Variants in RMDN2 observed in about 807,000 individuals in gnomAD.
The protein encoded by RMDN2 is regulator of microtubule dynamics 2, also known as regulator of microtubule dynamics protein 2.
A neutral mutation model predicts 52.8 loss-of-function variants in RMDN2; 61 were observed. The ratio of observed to expected loss-of-function variants is 1.16; its 90% CI spans 0.94 to 1.43. The LOEUF (loss-of-function observed/expected upper bound fraction) is 1.43, where lower values mean the gene tolerates loss of function less well. Ranked by LOEUF, RMDN2 falls within the 40% of genes most tolerant of loss-of-function variation. RMDN2 has a pLI of 0.00. For synonymous variants in RMDN2, 180 were observed against 153.1 expected (o/e 1.18, Z -1.30); for missense variants, 592 against 475.3 (o/e 1.25, Z -2.28).
intron 10 of RMDN2, among the ~76,000 whole-genome samples, chr2:38,037,227 A>G (rs1680645196): frequency 6.6e-6 from 1 of 152,214 alleles, no homozygotes; most frequent in African/African-American, 2.4e-5. Flanking sequence ...GGAAGATCAA[A>G]TAAATGGACA....
At chr2:37,989,659 A>T in intron 6 of RMDN2, 43 bp downstream of exon 6, 2 of 1,250,958 alleles carry the variant, frequency 1.6e-6, no homozygotes, top group Non-Finnish European at 2.3e-6. Context: ...AGATCCAGAC[A>T]TATGGAAGGG....
At position 37,997,726 on chromosome 2, in the gene RMDN2, G is replaced by A. The variant is rs1213769733; in HGVS notation, c.1044+212G>A. On this transcript the variant is annotated intron_variant, in intron 8 of 10. Coordinates refer to ENST00000354545, the MANE Select transcript of RMDN2 (RefSeq NM_001170791.3). ...CAACTAGTTATGCCCTAGGTTCTAG[G>A]AATTACAAACTACTTTTTAAAAATA... The A allele has an allele frequency of 6.1e-6, 3 of 491,392 alleles. No individual in the cohort carries two copies. The South Asian group carries it at 7.9e-5, about 13-fold the overall frequency. The allele number at this position is 491,392 out of a possible 1,614,324, so 30.4% of individuals were successfully genotyped here.
intron 2 of RMDN2, chr2:37,952,016 G>A (rs1286908598): frequency 1.9e-6 from 3 of 1,612,510 alleles, no homozygotes; most frequent in East Asian, 2.2e-5. Context: ...TGATTCCACA[G>A]CATCCCTCTC....
chr2:38,004,679 T>C (rs1005412605), intron 10 of RMDN2, among the ~76,000 whole-genome samples: 1 of 151,820 alleles, frequency 6.6e-6, no homozygotes, highest in Non-Finnish European at 1.5e-5. Flanking sequence ...TCTCCTTCTA[T>C]GATGGAGTTT....
intron 7 of RMDN2, among the ~76,000 whole-genome samples, chr2:37,992,702 A>G (rs2125141964): frequency 6.6e-6 from 1 of 152,350 alleles, no homozygotes; most frequent in South Asian, 2.1e-4. Flanking sequence ...AACTAGAGAA[A>G]AAGTACAAAA....
upstream of RMDN2, among the ~76,000 whole-genome samples, chr2:37,924,758 C>T (rs1357983191): frequency 6.6e-6 from 1 of 152,194 alleles, no homozygotes; most frequent in Non-Finnish European, 1.5e-5. Flanking sequence ...TCTGAAAAAA[C>T]AGCGGCTTTC....
intron 2 of RMDN2, among the ~76,000 whole-genome samples, chr2:37,967,264 A>G (rs909737289): frequency 3.9e-5 from 6 of 152,362 alleles, no homozygotes; most frequent in Middle Eastern, 3.4e-3. Flanking sequence ...AAGTTAAACA[A>G]ACTTTCCATT....
chr2:38,020,654 G>A (rs1215919664), downstream of RMDN2, among the ~76,000 whole-genome samples: 1 of 152,226 alleles, frequency 6.6e-6, no homozygotes, highest in Non-Finnish European at 1.5e-5. Flanking sequence ...TTAGCACCCA[G>A]GCCAGCGGCT....
chr2:37,994,295 C>T (rs987240388), intron 7 of RMDN2, among the ~76,000 whole-genome samples: 1 of 152,154 alleles, frequency 6.6e-6, no homozygotes, highest in Non-Finnish European at 1.5e-5. Context: ...AGATGAGCAG[C>T]ATGAGCAAAA....
At chr2:38,056,556 G>T (rs1681861933) in intron 10 of RMDN2, among the ~76,000 whole-genome samples, 1 of 152,208 alleles carries the variant, frequency 6.6e-6, no homozygotes, top group African/African-American at 2.4e-5. Context: ...TGGCCTGGAT[G>T]ATCTGAATGT....
At chr2:37,985,675 C>T (rs1673912518) in intron 5 of RMDN2, among the ~76,000 whole-genome samples, 1 of 151,990 alleles carries the variant, frequency 6.6e-6, no homozygotes. Flanking sequence ...GTAAAAGTTA[C>T]AGAGAACACA....
intron 5 of RMDN2, among the ~76,000 whole-genome samples, chr2:37,984,988 A>C (rs1232665334): frequency 1.3e-5 from 2 of 152,372 alleles, no homozygotes; most frequent in East Asian, 3.9e-4. Context: ...TTTATGATAC[A>C]TAAAATGATA....
chr2:37,942,020 G>T (rs932736906), intron 2 of RMDN2, among the ~76,000 whole-genome samples: 1 of 152,092 alleles, frequency 6.6e-6, no homozygotes, highest in African/African-American at 2.4e-5. Context: ...TGAAACCCTG[G>T]GCCCTTGTGG....
At chr2:37,962,745 G>GAA (rs1291492391) in intron 2 of RMDN2, among the ~76,000 whole-genome samples, 1 of 145,134 alleles carries the variant, frequency 6.9e-6, no homozygotes, top group Non-Finnish European at 1.5e-5. Flanking sequence ...ACTGGGGTAC[G>GAA]AAAAAAAAAA....
Position 37,977,703 on chromosome 2 carries a change from C to T in RMDN2, c.730+2389C>T, listed in dbSNP as rs1034018551. On this transcript the variant is annotated intron_variant, in intron 4 of 10. Transcript: ENST00000354545. ...AGACGGGGTCGCGGCCGGGTAGAGG[C>T]GCTCTTCACATCTCAGATGGGGCGG... 4.6e-5 allele frequency among the ~76,000 whole-genome samples: 7 copies of T among 151,668 alleles called. No homozygotes were observed. In the East Asian group the frequency reaches 7.8e-4, roughly 17 times the overall value.
chr2:38,003,546 T>A (rs537191314), intron 8 of RMDN2, among the ~76,000 whole-genome samples: 5 of 132,466 alleles, frequency 3.8e-5, no homozygotes, highest in East Asian at 4.5e-4. Flanking sequence ...AAGCAAGACC[T>A]GATAGATAGA....
chr2:37,968,207 G>A lies in RMDN2; in HGVS notation c.453-5833G>A, dbSNP rs769821540. On this transcript the variant is annotated intron_variant, in intron 2 of 10. Transcript: ENST00000354545. ...TGTAATCCCAGCACTTTGGGAGGAC[G>A]AGGTGGGCAGATCACTTGAGGTCAG... Among the ~76,000 whole-genome samples, 123 of 152,164 alleles carry A rather than the reference G, an allele frequency of 8.1e-4. No homozygotes were observed. In the Middle Eastern group the frequency reaches 0.014, roughly 17 times the overall value.
At chr2:38,011,713 CT>C (rs1452311489) in intron 10 of RMDN2, among the ~76,000 whole-genome samples, 2 of 152,122 alleles carry the variant, frequency 1.3e-5, no homozygotes, top group Non-Finnish European at 2.9e-5. Context: ...TTATTTTTAC[CT>C]AGAAGAGGCC....
At chr2:38,011,725 A>C (rs1678024269) in intron 10 of RMDN2, among the ~76,000 whole-genome samples, 1 of 152,232 alleles carries the variant, frequency 6.6e-6, no homozygotes, top group Admixed American at 6.5e-5. Flanking sequence ...AGAAGAGGCC[A>C]GGTGGCATCA....
Sources: allele counts gnomAD v4.1 joint callset (sites outside exome capture counted in the v4.1 genomes callset), GRCh38; gene constraint gnomAD v4.1.1; transcripts MANE v1.5; gene names NCBI Gene and HGNC (gene_info 2026-07-23, HGNC 2026-07-21).